The following ENTREP2 variants were observed in gnomAD, a reference collection of about 807,000 sequenced individuals.
ENTREP2 encodes the protein endosomal transmembrane epsin interactor 2.
At chr15:29,323,136 A>C in the ENTREP2 span, among the ~76,000 whole-genome samples, 1 of 152,152 alleles carries the variant, frequency 6.6e-6, no homozygotes, top group East Asian at 1.9e-4. Flanking sequence ...AATCCTTGGA[A>C]TCCCCAAAGT....
chr15:29,515,390 ACT>A, the ENTREP2 span, among the ~76,000 whole-genome samples: 2 of 152,044 alleles, frequency 1.3e-5, no homozygotes, highest in South Asian at 2.1e-4. Flanking sequence ...CCTTCCTCTG[ACT>A]CTCTGTTAAG....
the ENTREP2 span, among the ~76,000 whole-genome samples, chr15:29,394,720 C>T: frequency 1.3e-5 from 2 of 152,028 alleles, no homozygotes; most frequent in African/African-American, 4.8e-5. Context: ...CATTAATTTA[C>T]ACCGATTCCC....
the ENTREP2 span, chr15:29,235,048 G>C: frequency 2.6e-6 from 3 of 1,152,522 alleles, no homozygotes; most frequent in African/African-American, 3.0e-5. Context: ...TTCCCAGGTA[G>C]TGGCCCCACA....
the ENTREP2 span, among the ~76,000 whole-genome samples, chr15:29,674,134 G>T: frequency 1.3e-5 from 2 of 149,816 alleles, no homozygotes; most frequent in South Asian, 4.4e-4. Flanking sequence ...AGGATGGGGG[G>T]GGGGGGGGGC....
chr15:29,132,799 C>T, the ENTREP2 span, among the ~76,000 whole-genome samples: 118,345 of 152,194 alleles, frequency 0.78, 51,704 homozygotes, highest in Non-Finnish European at 0.97. Context: ...GCAGGGCCCT[C>T]GGGAAGCCAG....
the ENTREP2 span, among the ~76,000 whole-genome samples, chr15:29,527,632 T>C: frequency 6.6e-6 from 1 of 152,128 alleles, no homozygotes; most frequent in East Asian, 1.9e-4. Flanking sequence ...ATCAGAGATG[T>C]GCCAACAGAA....
the ENTREP2 span, among the ~76,000 whole-genome samples, chr15:29,357,892 C>T: frequency 6.6e-6 from 1 of 151,064 alleles, no homozygotes; most frequent in Non-Finnish European, 1.5e-5. Flanking sequence ...TCATTAGGAA[C>T]AAGGAGAGCA....
chr15:29,316,397 A>C, the ENTREP2 span, among the ~76,000 whole-genome samples: 1 of 152,216 alleles, frequency 6.6e-6, no homozygotes, highest in South Asian at 2.1e-4. Context: ...GCAAAAAGAG[A>C]GAAACAGGCA....
chr15:29,663,986 C>A, the ENTREP2 span, among the ~76,000 whole-genome samples: 3 of 151,278 alleles, frequency 2.0e-5, no homozygotes, highest in Non-Finnish European at 2.9e-5. Flanking sequence ...CGAGATCGCG[C>A]CATTGCACTC....
the ENTREP2 span, among the ~76,000 whole-genome samples, chr15:29,514,601 T>G: frequency 6.6e-6 from 1 of 152,200 alleles, no homozygotes; most frequent in Non-Finnish European, 1.5e-5. Context: ...TCCATGCCTT[T>G]CCTTTCCTCT....
the ENTREP2 span, among the ~76,000 whole-genome samples, chr15:29,667,204 T>TC: frequency 2.0e-5 from 3 of 152,006 alleles, 1 homozygote; most frequent in Admixed American, 2.0e-4. Context: ...TTTTTTTTTT[T>TC]TGAGGCAGAG....
the ENTREP2 span, among the ~76,000 whole-genome samples, chr15:29,592,408 A>G: frequency 6.6e-6 from 1 of 152,236 alleles, no homozygotes. Context: ...TGGGAAGTCC[A>G]AGACTGAGGG....
At chr15:29,487,196 T>C in the ENTREP2 span, among the ~76,000 whole-genome samples, 2 of 152,124 alleles carry the variant, frequency 1.3e-5, no homozygotes, top group African/African-American at 4.8e-5. Context: ...GAAAAAGAAA[T>C]TCAAGCATTC....
chr15:29,186,524 T>C, the ENTREP2 span, among the ~76,000 whole-genome samples: 1 of 152,224 alleles, frequency 6.6e-6, no homozygotes, highest in Non-Finnish European at 1.5e-5. Context: ...TAAAGCTGTG[T>C]TTGCACAGCA....
At chr15:29,308,488 G>C in the ENTREP2 span, among the ~76,000 whole-genome samples, 1 of 152,234 alleles carries the variant, frequency 6.6e-6, no homozygotes, top group African/African-American at 2.4e-5. Flanking sequence ...GGGAGACCCT[G>C]TCCTGGGCGC....
chr15:29,664,969 G>A, the ENTREP2 span, among the ~76,000 whole-genome samples: 1 of 152,120 alleles, frequency 6.6e-6, no homozygotes, highest in African/African-American at 2.4e-5. Flanking sequence ...TCAAGTCTCC[G>A]GTTTTCTGAA....
chr15:29,346,153 G>C, the ENTREP2 span, among the ~76,000 whole-genome samples: 7 of 152,158 alleles, frequency 4.6e-5, no homozygotes, highest in African/African-American at 1.7e-4. Flanking sequence ...GAACCTGGAG[G>C]GTCCAGGCTG....
chr15:29,556,500 T>A, the ENTREP2 span, among the ~76,000 whole-genome samples: 17 of 152,180 alleles, frequency 1.1e-4, no homozygotes, highest in Non-Finnish European at 1.6e-4. Context: ...AGAACATTTT[T>A]AAATGTTTCC....
At chr15:29,153,236 C>T in the ENTREP2 span, among the ~76,000 whole-genome samples, 1 of 151,836 alleles carries the variant, frequency 6.6e-6, no homozygotes, top group Non-Finnish European at 1.5e-5. Context: ...AAATATTTTC[C>T]CCCAGACTGT....
Sources: allele counts gnomAD v4.1 joint callset (sites outside exome capture counted in the v4.1 genomes callset), GRCh38; gene constraint gnomAD v4.1.1; transcripts MANE v1.5; gene names NCBI Gene and HGNC (gene_info 2026-07-23, HGNC 2026-07-21).